The following NCOA2 variants were observed in gnomAD, a reference collection of about 807,000 sequenced individuals.
The protein encoded by NCOA2 is class E basic helix-loop-helix protein 75.
NCOA2 carries 21 observed loss-of-function variants against 145.1 expected under a neutral mutation model. The ratio of observed to expected loss-of-function variants is 0.14; its 90% CI spans 0.10 to 0.21. The LOEUF (loss-of-function observed/expected upper bound fraction) is 0.21. Ranked by LOEUF, NCOA2 falls within the 10% of genes least tolerant of loss-of-function variation. The pLI, the probability that NCOA2 is intolerant of heterozygous loss-of-function variation, is 1.00. For synonymous variants in NCOA2, 619 were observed against 637.5 expected (o/e 0.97, Z 0.44); for missense variants, 1,472 against 1,837.6 (o/e 0.80, Z 3.64).
chr8:70,402,056 T>G (rs890761273), intron 1 of NCOA2: 2 of 152,322 alleles, frequency 1.3e-5, no homozygotes, highest in African/African-American at 4.8e-5. Context: ...CAAGAGTAGC[T>G]GGCTCTCAGC....
chr8:70,237,714 G>A (rs1233142672), intron 2 of NCOA2, among the ~76,000 whole-genome samples: 3 of 152,060 alleles, frequency 2.0e-5, no homozygotes, highest in Admixed American at 6.6e-5. Context: ...AGACTCTAGT[G>A]AGCCAAAATC....
the NCOA2 span, among the ~76,000 whole-genome samples, chr8:70,443,967 G>A: frequency 8.6e-5 from 13 of 152,012 alleles, no homozygotes; most frequent in African/African-American, 9.7e-5. Flanking sequence ...ATGCACACAC[G>A]CGTGCTTGCA....
chr8:70,146,720 A>C (rs1017012919), intron 12 of NCOA2, among the ~76,000 whole-genome samples: 3 of 150,986 alleles, frequency 2.0e-5, no homozygotes, highest in Admixed American at 6.6e-5. Context: ...TTTGAGACTG[A>C]GTTTCACTCT....
At chr8:70,201,381 A>T (rs1817869664) in intron 4 of NCOA2, among the ~76,000 whole-genome samples, 1 of 152,218 alleles carries the variant, frequency 6.6e-6, no homozygotes, top group African/African-American at 2.4e-5. Flanking sequence ...CCAAGTCCAG[A>T]ACTGCAGGTC....
rs750122154 is a variant in NCOA2 at position 70,157,048 on chromosome 8, G to T, written c.1317C>A (p.Gly439=). The change falls in exon 11 of 23, where the codon GGC becomes GGA. Residue 439 remains glycine (G), a synonymous_variant. Transcript: ENST00000452400. The part of the protein sequence containing the change: ...GPKEQMGMPM[G]RFGGSGGMNH... The stretch of plus-strand genomic sequence containing the variant: ...TCATTCCCCCAGAACCACCAAACCT[G>T]CCCATGGGCATGCCCATTTGTTCCT... 15 of 1,613,916 alleles carry T rather than the reference G, an allele frequency of 9.3e-6. No individual in the cohort carries two copies. The highest frequency in any genetic ancestry group is 3.3e-5 in the Admixed American group (2 of 60,004).
At chr8:70,164,253 T>A (rs549457601) in intron 7 of NCOA2, among the ~76,000 whole-genome samples, 1 of 152,326 alleles carries the variant, frequency 6.6e-6, no homozygotes, top group African/African-American at 2.4e-5. Flanking sequence ...AACTGTCTTA[T>A]GCGTCAGGGT....
intron 2 of NCOA2, among the ~76,000 whole-genome samples, chr8:70,239,620 C>T (rs1821949611): frequency 6.6e-6 from 1 of 152,156 alleles, no homozygotes; most frequent in South Asian, 2.1e-4. Context: ...GCACTTGATT[C>T]AGGTATCCAA....
chr8:70,260,029 C>T (rs570967725), intron 2 of NCOA2, among the ~76,000 whole-genome samples: 1 of 152,210 alleles, frequency 6.6e-6, no homozygotes. Context: ...CTCATCCCTT[C>T]CTGGTCAACA....
intron 2 of NCOA2, among the ~76,000 whole-genome samples, chr8:70,222,985 G>A (rs939420840): frequency 9.2e-5 from 14 of 152,060 alleles, no homozygotes; most frequent in African/African-American, 2.9e-4. Flanking sequence ...CTTATATATC[G>A]ACGTCAGCTG....
At chr8:70,456,396 C>A in the NCOA2 span, among the ~76,000 whole-genome samples, 1 of 152,158 alleles carries the variant, frequency 6.6e-6, no homozygotes, top group Non-Finnish European at 1.5e-5. Context: ...CCAACCTTCT[C>A]AATGCACTGG....
At chr8:70,259,834 G>A (rs1018519533) in intron 2 of NCOA2, among the ~76,000 whole-genome samples, 2 of 152,072 alleles carry the variant, frequency 1.3e-5, no homozygotes, top group African/African-American at 2.4e-5. Context: ...GAGAGCTCTC[G>A]CACATAAAAG....
At chr8:70,424,248 C>T in the NCOA2 span, 2 of 381,592 alleles carry the variant, frequency 5.2e-6, no homozygotes, top group African/African-American at 2.1e-5. Context: ...TCTTCAGTTG[C>T]TCCAGGTCTT....
At chr8:70,121,538 A>G (rs984697190) in intron 21 of NCOA2, 147 bp from the exon 22 acceptor site, 1 of 621,378 alleles carries the variant, frequency 1.6e-6, no homozygotes, top group African/African-American at 1.8e-5. Context: ...ATCCTACACA[A>G]GCTCTCCCAT....
chr8:70,241,754 C>T (rs1822155811), intron 2 of NCOA2, among the ~76,000 whole-genome samples: 2 of 152,128 alleles, frequency 1.3e-5, no homozygotes, highest in Admixed American at 6.6e-5. Flanking sequence ...CTCTCCATGT[C>T]TCCATCTCCC....
intron 2 of NCOA2, among the ~76,000 whole-genome samples, chr8:70,234,075 A>G (rs1399685591): frequency 6.6e-6 from 1 of 152,166 alleles, no homozygotes. Context: ...CTATGGATTT[A>G]CCTAATATGA....
intron 1 of NCOA2, among the ~76,000 whole-genome samples, chr8:70,391,055 A>G (rs1480566990): frequency 6.6e-6 from 1 of 152,256 alleles, no homozygotes; most frequent in Non-Finnish European, 1.5e-5. Context: ...TTAGGTATAA[A>G]GTAAAGAAGA....
At chr8:70,451,215 C>T in the NCOA2 span, among the ~76,000 whole-genome samples, 221 of 36,486 alleles carry the variant, frequency 6.1e-3, 1 homozygote, top group Non-Finnish European at 7.5e-3. Context: ...AAGACTCCGT[C>T]TCAAAAAAAA....
At chr8:70,414,475 AAGCCCAGGTGACTTTG>A in the NCOA2 span, among the ~76,000 whole-genome samples, 1 of 152,156 alleles carries the variant, frequency 6.6e-6, no homozygotes, top group African/African-American at 2.4e-5. Context: ...ATAAAATCCC[AAGCCCAGGTGACTTTG>A]AGTATTCCCC....
chr8:70,117,023 C>T (rs930733436), intron 22 of NCOA2, among the ~76,000 whole-genome samples: 1 of 152,236 alleles, frequency 6.6e-6, no homozygotes, highest in Non-Finnish European at 1.5e-5. Context: ...ACCTGAAAGA[C>T]GCCTTTGCTG....
Sources: gnomAD v4.1 joint callset for allele counts (sites outside exome capture counted in the v4.1 genomes callset) on GRCh38, gnomAD v4.1.1 for gene constraint, MANE v1.5 for transcripts, NCBI Gene and HGNC (gene_info 2026-07-23, HGNC 2026-07-21) for gene names.